The following ITPK1 variants were observed in gnomAD, a reference collection of about 807,000 sequenced individuals.
The protein encoded by ITPK1 is inositol 1,3,4-trisphosphate 5/6-kinase.
A neutral mutation model predicts 45.3 loss-of-function variants in ITPK1; 21 were observed. The ratio of observed to expected loss-of-function variants is 0.46; its 90% CI spans 0.33 to 0.67. ITPK1 has a LOEUF of 0.67. ITPK1 is among the 30% of genes least tolerant of loss of function. The pLI is 0.02. For synonymous variants in ITPK1, 258 were observed against 253.6 expected (o/e 1.02, Z -0.16); for missense variants, 474 against 573.5 (o/e 0.83, Z 1.77).
chr14:92,984,935 CAACTACA>C (rs1886421225), intron 5 of ITPK1, among the ~76,000 whole-genome samples: 1 of 152,038 alleles, frequency 6.6e-6, no homozygotes, highest in South Asian at 2.1e-4. Flanking sequence ...AGGTTCTTGC[CAACTACA>C]AAGGAAAAAA....
intron 5 of ITPK1, among the ~76,000 whole-genome samples, chr14:92,966,637 A>C (rs553830105): frequency 1.5e-4 from 23 of 152,340 alleles, no homozygotes; most frequent in Middle Eastern, 3.4e-3. Flanking sequence ...GACCACTAAA[A>C]TATCTGGAAA....
rs765660201 is a variant in ITPK1 at position 93,115,181 on chromosome 14, G to A, written c.-18C>T. On this transcript the variant is annotated 5_prime_UTR_variant, in exon 2 of 11. Coordinates refer to ENST00000267615, the MANE Select transcript of ITPK1 (RefSeq NM_014216.6). The stretch of plus-strand genomic sequence containing the variant: ...GTCTGCATCTTCCTCCTCGGGCGGG[G>A]AGCCTGGGTCCGGAGGAAATCGCCC... The A allele has an allele frequency of 2.0e-5, 32 of 1,578,790 alleles. No individual in the cohort carries two copies. In the South Asian group the frequency reaches 2.7e-4, roughly 13 times the overall value.
chr14:93,086,170 G>C (rs1381080587), intron 2 of ITPK1, among the ~76,000 whole-genome samples: 1 of 152,332 alleles, frequency 6.6e-6, no homozygotes, highest in East Asian at 1.9e-4. Flanking sequence ...CACTGGGGGA[G>C]GGAGAAGCCT....
chr14:93,090,850 A>G (rs774991920), intron 2 of ITPK1, among the ~76,000 whole-genome samples: 12 of 152,218 alleles, frequency 7.9e-5, no homozygotes, highest in Non-Finnish European at 1.8e-4. Flanking sequence ...TTCAATGTCC[A>G]AATCGAAACG....
At position 93,096,898 on chromosome 14, in the gene ITPK1, A is replaced by G. The variant is rs75142128; in HGVS notation, c.95+18171T>C. On this transcript the variant is annotated intron_variant, in intron 2 of 10. Coordinates refer to ENST00000267615, the MANE Select transcript of ITPK1 (RefSeq NM_014216.6). ...CACCACCACACAGGACACTGACGTC[A>G]CCGAGTCCCTTGGTCAGTCACCCAC... Among the ~76,000 whole-genome samples the G allele has an allele frequency of 1.5e-3, 221 of 152,364 alleles. 3 individuals are homozygous for G. The East Asian group carries it at 0.031, about 21-fold the overall frequency.
intron 3 of ITPK1, among the ~76,000 whole-genome samples, chr14:93,037,583 C>T (rs1271509100): frequency 6.6e-6 from 1 of 152,164 alleles, no homozygotes; most frequent in Non-Finnish European, 1.5e-5. Context: ...CAAGGCCAGG[C>T]CCAGGACTCA....
intron 4 of ITPK1, among the ~76,000 whole-genome samples, chr14:93,013,386 C>T (rs1014697317): frequency 6.6e-6 from 1 of 152,234 alleles, no homozygotes; most frequent in African/African-American, 2.4e-5. Context: ...CTCTGGCCCA[C>T]AGCCTCCACC....
At chr14:93,089,962 G>A (rs1018176518) in intron 2 of ITPK1, among the ~76,000 whole-genome samples, 3 of 152,156 alleles carry the variant, frequency 2.0e-5, no homozygotes, top group African/African-American at 4.8e-5. Flanking sequence ...CGGAAGAACT[G>A]AGGCCAGCAC....
intron 2 of ITPK1, among the ~76,000 whole-genome samples, chr14:93,082,212 G>A (rs942751933): frequency 6.6e-6 from 1 of 152,186 alleles, no homozygotes; most frequent in Non-Finnish European, 1.5e-5. Context: ...TAGTTGTGAC[G>A]CTCACAGTCT....
rs773731034 is a variant in ITPK1 at position 92,946,313 on chromosome 14, G to A, written c.901+18C>T. On this transcript the variant is annotated intron_variant, in intron 10 of 10. Coordinates refer to ENST00000267615, the MANE Select transcript of ITPK1 (RefSeq NM_014216.6). ...TCTCTGGAGGCCGGTCAGTGGAGGT[G>A]GCCTGGCCGCCACTCACCTGGGAAG... is the stretch of plus-strand genomic sequence containing the variant. The A allele has an allele frequency of 7.4e-6, 12 of 1,612,186 alleles. No homozygotes were observed. The highest frequency in any genetic ancestry group is 1.0e-5 in the Non-Finnish European group (12 of 1,179,856).
chr14:93,048,326 G>A (rs867093473), intron 3 of ITPK1, among the ~76,000 whole-genome samples: 3 of 152,166 alleles, frequency 2.0e-5, no homozygotes, highest in Non-Finnish European at 2.9e-5. Flanking sequence ...TTTGGTTTTC[G>A]TATAACAAAA....
Position 93,000,616 on chromosome 14 carries a change from C to G in ITPK1, c.247-6619G>C, listed in dbSNP as rs568029108. ...ACCTGGTCACCTACAGAAACAGGCT[C>G]TGTGACTGAACTGTTGTGCATCTCC... On this transcript the variant is annotated intron_variant, in intron 4 of 10. Transcript: ENST00000267615. 6.6e-5 allele frequency among the ~76,000 whole-genome samples: 10 copies of G among 152,304 alleles called. No individual in the cohort carries two copies. The East Asian group carries it at 1.9e-3, about 29-fold the overall frequency.
intron 3 of ITPK1, chr14:93,066,425 G>C (rs76268574): frequency 3.8e-6 from 1 of 263,744 alleles, no homozygotes; most frequent in Non-Finnish European, 7.1e-6. Flanking sequence ...TTTTTTTTTT[G>C]AGACGGAGTC....
intron 5 of ITPK1, among the ~76,000 whole-genome samples, chr14:92,991,157 A>G (rs1463554942): frequency 6.6e-6 from 1 of 152,182 alleles, no homozygotes; most frequent in African/African-American, 2.4e-5. Context: ...GTACGCCTGA[A>G]AGGGCTGAGT....
At chr14:92,952,586 A>G (rs998266597) in intron 8 of ITPK1, among the ~76,000 whole-genome samples, 1 of 152,226 alleles carries the variant, frequency 6.6e-6, no homozygotes, top group African/African-American at 2.4e-5. Context: ...GGATCCGTCC[A>G]AGAAAGCACA....
intron 5 of ITPK1, among the ~76,000 whole-genome samples, chr14:92,988,622 G>A (rs909488761): frequency 2.6e-5 from 4 of 152,196 alleles, no homozygotes; most frequent in Admixed American, 2.6e-4. Context: ...CTCTCCATCA[G>A]CCACAGGGGA....
intron 2 of ITPK1, among the ~76,000 whole-genome samples, chr14:93,096,844 C>A (rs960465086): frequency 6.6e-6 from 1 of 152,146 alleles, no homozygotes; most frequent in African/African-American, 2.4e-5. Flanking sequence ...AAAGATAACA[C>A]CAGGCCCCAA....
intron 2 of ITPK1, among the ~76,000 whole-genome samples, chr14:93,082,024 T>A (rs1176668515): frequency 6.6e-6 from 1 of 152,026 alleles, no homozygotes; most frequent in Non-Finnish European, 1.5e-5. Flanking sequence ...CTCCGGGTGT[T>A]GCTCAGGAGC....
chr14:92,986,832 A>C (rs919877440), intron 5 of ITPK1, among the ~76,000 whole-genome samples: 1 of 152,194 alleles, frequency 6.6e-6, no homozygotes, highest in African/African-American at 2.4e-5. Context: ...AGTCGCCATG[A>C]GAGCTCAGTC....
Sources: allele counts gnomAD v4.1 joint callset (sites outside exome capture counted in the v4.1 genomes callset), GRCh38; gene constraint gnomAD v4.1.1; transcripts MANE v1.5; gene names NCBI Gene and HGNC (gene_info 2026-07-23, HGNC 2026-07-21).